SNTB1: variants seen among roughly 807,000 people sequenced by gnomAD.
The protein encoded by SNTB1 is syntrophin beta 1.
Under a neutral mutation model 48.9 loss-of-function variants are expected in SNTB1, and 36 were observed. The ratio of observed to expected loss-of-function variants is 0.74; its 90% CI spans 0.56 to 0.97. The LOEUF is 0.97. Among genes scored for constraint, SNTB1 ranks in the 50% least tolerant of loss-of-function variants. SNTB1 has a pLI of 0.00. For synonymous variants in SNTB1, 299 were observed against 294.6 expected, an observed-to-expected ratio of 1.01 and a Z score of -0.15; for missense variants, 786 against 703.4, an observed-to-expected ratio of 1.12 and a Z score of -1.33.
intron 2 of SNTB1, among the ~76,000 whole-genome samples, chr8:120,681,736 C>G (rs1420421344): frequency 6.6e-6 from 1 of 152,158 alleles, no homozygotes; most frequent in Non-Finnish European, 1.5e-5. Context: ...GTTCACCAAG[C>G]AATAACTCTA....
At chr8:120,683,484 G>A (rs949424470) in intron 2 of SNTB1, among the ~76,000 whole-genome samples, 3 of 152,098 alleles carry the variant, frequency 2.0e-5, no homozygotes, top group Admixed American at 6.5e-5. Context: ...GGGTGGGGGC[G>A]GCATTACAAA....
chr8:120,555,842 T>C (rs1315258510), intron 4 of SNTB1, among the ~76,000 whole-genome samples: 1 of 151,700 alleles, frequency 6.6e-6, no homozygotes, highest in Non-Finnish European at 1.5e-5. Context: ...CAAAAATCTC[T>C]CCCCCTCCCG....
At chr8:120,733,909 G>A (rs1414974278) in intron 1 of SNTB1, among the ~76,000 whole-genome samples, 1 of 152,168 alleles carries the variant, frequency 6.6e-6, no homozygotes, top group Non-Finnish European at 1.5e-5. Context: ...GATCTGACAG[G>A]AGTGTATAAT....
intron 2 of SNTB1, among the ~76,000 whole-genome samples, chr8:120,650,339 A>G (rs1817392381): frequency 6.6e-6 from 1 of 152,204 alleles, no homozygotes; most frequent in South Asian, 2.1e-4. Flanking sequence ...AAACCACTAA[A>G]TATGATGGTG....
At chr8:120,619,600 C>T (rs1816763091) in intron 3 of SNTB1, among the ~76,000 whole-genome samples, 2 of 152,176 alleles carry the variant, frequency 1.3e-5, no homozygotes, top group African/African-American at 4.8e-5. Flanking sequence ...CTAATTTTGT[C>T]AGCACTATTG....
At chr8:120,780,396 C>T (rs911537720) in intron 1 of SNTB1, among the ~76,000 whole-genome samples, 10 of 152,154 alleles carry the variant, frequency 6.6e-5, no homozygotes, top group African/African-American at 1.7e-4. Context: ...AGTCATTCAA[C>T]GTAATCAGGA....
rs60374035 is a variant in SNTB1, at chr8:120,797,546, C to CTTTTTTTTTTT, written c.571+13716_571+13726dup. Among the ~76,000 whole-genome samples the CTTTTTTTTTTT allele has an allele frequency of 1.4e-3, 100 of 69,108 alleles. 9 individuals carry two copies. Among genetic ancestry groups the CTTTTTTTTTTT allele is most frequent in the African/African-American group, 4.1e-3 (73 of 17,956 alleles). 45.3% of individuals were successfully genotyped at this position (69,108 alleles called of 152,430 possible). A position where few individuals can be genotyped will look rare whatever the true frequency, so the allele number is the denominator to read the frequency against. On this transcript the variant is annotated intron_variant, in intron 1 of 6. Transcript: ENST00000517992. ...TCATTAACCAAAGCAACTTGTTTCT[C>CTTTTTTTTTTT]TTTTTTTTTTTTTTTTTTTTTTTTT... is the stretch of plus-strand genomic sequence containing the variant.
At chr8:120,612,061 T>C (rs1310721060) in intron 3 of SNTB1, among the ~76,000 whole-genome samples, 1 of 152,104 alleles carries the variant, frequency 6.6e-6, no homozygotes, top group East Asian at 1.9e-4. Flanking sequence ...TCCCCTGTAG[T>C]GTACATCATG....
At chr8:120,797,052 C>T (rs942262035) in intron 1 of SNTB1, among the ~76,000 whole-genome samples, 1 of 151,988 alleles carries the variant, frequency 6.6e-6, no homozygotes, top group Non-Finnish European at 1.5e-5. Context: ...AAGTTTCTTT[C>T]AGATAGTTCT....
intron 1 of SNTB1, among the ~76,000 whole-genome samples, chr8:120,796,432 G>A (rs927142972): frequency 1.3e-5 from 2 of 151,946 alleles, no homozygotes; most frequent in Non-Finnish European, 2.9e-5. Flanking sequence ...GAATTTTGGG[G>A]TGACACAGTC....
At chr8:120,663,764 A>G (rs564962068) in intron 2 of SNTB1, among the ~76,000 whole-genome samples, 2 of 152,266 alleles carry the variant, frequency 1.3e-5, no homozygotes, top group Admixed American at 6.5e-5. Flanking sequence ...GGGAAGACAG[A>G]TTGGAGAAGA....
intron 1 of SNTB1, among the ~76,000 whole-genome samples, chr8:120,770,744 C>A (rs1021662599): frequency 4.6e-5 from 7 of 152,128 alleles, no homozygotes; most frequent in African/African-American, 1.2e-4. Flanking sequence ...ACCCAGGAAG[C>A]AGAGGTTGCA....
intron 1 of SNTB1, among the ~76,000 whole-genome samples, chr8:120,795,032 A>G (rs1186008370): frequency 6.6e-6 from 1 of 152,072 alleles, no homozygotes; most frequent in African/African-American, 2.4e-5. Flanking sequence ...AGCAAAGAAA[A>G]ACGCAGTTGA....
intron 2 of SNTB1, chr8:120,637,267 C>T (rs1282273959): frequency 2.9e-6 from 1 of 345,378 alleles, no homozygotes; most frequent in African/African-American, 2.2e-5. Context: ...TGCTGCTGAC[C>T]AAAAGCCCAG....
intron 3 of SNTB1, among the ~76,000 whole-genome samples, chr8:120,604,532 C>T (rs1161068331): frequency 6.6e-6 from 1 of 151,274 alleles, no homozygotes; most frequent in African/African-American, 2.4e-5. Context: ...CGACTCACTG[C>T]AACCTCTGCC....
At chr8:120,539,285 T>C (rs1230216365) in intron 6 of SNTB1, among the ~76,000 whole-genome samples, 1 of 118,982 alleles carries the variant, frequency 8.4e-6, no homozygotes, top group Non-Finnish European at 1.6e-5. Context: ...TTATTCATGT[T>C]GGATTTGACA....
chr8:120,586,019 A>G (rs890726928), intron 3 of SNTB1, among the ~76,000 whole-genome samples: 1 of 152,232 alleles, frequency 6.6e-6, no homozygotes, highest in Admixed American at 6.5e-5. Flanking sequence ...ACTGGACACA[A>G]AACACATCCC....
intron 3 of SNTB1, among the ~76,000 whole-genome samples, chr8:120,589,842 A>G (rs955650981): frequency 2.6e-5 from 4 of 152,186 alleles, no homozygotes; most frequent in African/African-American, 9.7e-5. Context: ...TGGGATTAGC[A>G]TTTCAATATA....
Position 120,548,865 on chromosome 8 carries a change from T to C in SNTB1, c.1230A>G (p.Thr410=). The C allele has an allele frequency of 6.2e-7, 1 of 1,613,944 alleles. No individual in the cohort carries two copies. Among genetic ancestry groups the C allele is most frequent in the Non-Finnish European group, 8.5e-7 (1 of 1,179,880 alleles). Reference sequence around the variant, plus strand: ...TGCTGGTCTCTGCTCTGAAGAGATGTGTTTCAATCCCTTGCCTGGTACCAG... The same window carrying C: ...TGCTGGTCTCTGCTCTGAAGAGATGCGTTTCAATCCCTTGCCTGGTACCAG... ...TRTGTRQGIE[T]HLFRAETSRD... is the part of the protein sequence containing the mutation. Residue 410 remains threonine, a synonymous_variant, in exon 5 of 7, where the codon ACA becomes ACG. Transcript: ENST00000517992.
Sources: gnomAD v4.1 joint callset for allele counts (sites outside exome capture counted in the v4.1 genomes callset) on GRCh38, gnomAD v4.1.1 for gene constraint, MANE v1.5 for transcripts, NCBI Gene and HGNC (gene_info 2026-07-23, HGNC 2026-07-21) for gene names.